Variants in UBAC2 observed in about 807,000 individuals in gnomAD.
The protein encoded by UBAC2 is UBA domain containing 2, also known as ubiquitin-associated domain-containing protein 2.
UBAC2 carries 26 observed loss-of-function variants against 44.0 expected under a neutral mutation model. The ratio of observed to expected loss-of-function variants is 0.59; its 90% CI spans 0.43 to 0.82. The LOEUF (loss-of-function observed/expected upper bound fraction) is 0.82. UBAC2 is among the 40% of genes least tolerant of loss of function. The pLI is 0.00. For missense variants in UBAC2, 329 were observed against 419.4 expected, an observed-to-expected ratio of 0.78 and a Z score of 1.88; for synonymous variants, 155 against 154.3, an observed-to-expected ratio of 1.00 and a Z score of -0.04.
At chr13:99,232,050 C>T (rs1019821521) in intron 1 of UBAC2, among the ~76,000 whole-genome samples, 1 of 151,966 alleles carries the variant, frequency 6.6e-6, no homozygotes, top group African/African-American at 2.4e-5. Context: ...ATTTTTGTAC[C>T]ATGTCTACAT....
intron 2 of UBAC2, among the ~76,000 whole-genome samples, chr13:99,239,207 A>G (rs1163022093): frequency 6.6e-6 from 1 of 152,254 alleles, no homozygotes; most frequent in Non-Finnish European, 1.5e-5. Flanking sequence ...TTTTCTTCAT[A>G]GTGATATAAT....
intron 8 of UBAC2, among the ~76,000 whole-genome samples, chr13:99,368,947 G>A (rs1270926022): frequency 6.6e-6 from 1 of 152,194 alleles, no homozygotes; most frequent in African/African-American, 2.4e-5. Flanking sequence ...AGTCACTGCT[G>A]GGGCCTGTCA....
At chr13:99,331,262 A>G (rs1310503349) in intron 6 of UBAC2, among the ~76,000 whole-genome samples, 1 of 152,126 alleles carries the variant, frequency 6.6e-6, no homozygotes, top group African/African-American at 2.4e-5. Context: ...CTTTGACTAC[A>G]GTTAAGATGT....
chr13:99,275,657 G>T (rs2043871915), intron 4 of UBAC2, among the ~76,000 whole-genome samples: 1 of 151,878 alleles, frequency 6.6e-6, no homozygotes, highest in Non-Finnish European at 1.5e-5. Context: ...CACCCCCCAG[G>T]TTTTATTTCT....
At chr13:99,215,425 G>A (rs1203553030) in intron 1 of UBAC2, 1 of 1,335,372 alleles carries the variant, frequency 7.5e-7, no homozygotes, top group Non-Finnish European at 1.1e-6. Context: ...TGGATGTGTG[G>A]AATGACACCA....
In UBAC2 at chr13:99,340,487, A is replaced by T. The variant is rs1459727444; in HGVS notation, c.729A>T (p.Arg243Ser). 1 of 1,614,206 alleles carries T rather than the reference A, an allele frequency of 6.2e-7. No individual in the cohort carries two copies. The highest frequency in any genetic ancestry group is 8.5e-7 in the Non-Finnish European group (1 of 1,180,026). Residue 243 changes from arginine to serine, a missense_variant, in exon 7 of 9, where the codon AGA becomes AGT. By Grantham distance (110) the Arg-to-Ser change is moderately radical. Transcript: ENST00000403766. ...IGMGATLDIQ[R>S]QQRMELLDRQ... is the part of the protein sequence containing the mutation. ...TGGGAGCCACGCTGGACATCCAGAG[A>T]CAGCAGAGAATGGAGCTGCTGGACC...
In UBAC2 at chr13:99,312,934, T is replaced by C. The variant is rs140035378; in HGVS notation, c.390-1163T>C. The C allele has an allele frequency of 7.3e-3, 1,124 of 153,088 alleles. 10 individuals are homozygous for C. Among genetic ancestry groups the C allele is most frequent in the South Asian group, 0.055 (267 of 4,836 alleles). The allele number at this position is 153,088 out of a possible 1,614,324, so 9.5% of individuals were successfully genotyped here. A position where few individuals can be genotyped will look rare whatever the true frequency, so the allele number is the denominator to read the frequency against. ...TTTTATCTTTGGATACTGGAGCCTA[T>C]GGAAGGAAGGGTTTTTTTGTTTTGT... is the stretch of plus-strand genomic sequence containing the variant. On this transcript the variant is annotated intron_variant, in intron 4 of 8. Transcript: ENST00000403766.
At chr13:99,330,451 G>A (rs563124331) in intron 6 of UBAC2, among the ~76,000 whole-genome samples, 24 of 2,062 alleles carry the variant, frequency 0.012, no homozygotes, top group Admixed American at 0.018. Context: ...AGAGTGAGAC[G>A]TCATCTCAAA....
At chr13:99,203,404 G>C (rs1328590697) in intron 1 of UBAC2, among the ~76,000 whole-genome samples, 1 of 152,338 alleles carries the variant, frequency 6.6e-6, no homozygotes, top group African/African-American at 2.4e-5. Context: ...TCTGAAAGAA[G>C]GACGACACGT....
intron 4 of UBAC2, chr13:99,254,619 AACACACATG>A: frequency 3.2e-6 from 1 of 316,618 alleles, no homozygotes; most frequent in Admixed American, 4.6e-5. Context: ...TGACTTGATT[AACACACATG>A]TGTCGCTTGC....
intron 1 of UBAC2, among the ~76,000 whole-genome samples, chr13:99,204,591 G>C (rs940512417): frequency 6.6e-6 from 1 of 152,126 alleles, no homozygotes; most frequent in Non-Finnish European, 1.5e-5. Context: ...AGGAAGTAGG[G>C]GGACACCCGG....
At chr13:99,230,448 A>C (rs1452750886) in intron 1 of UBAC2, among the ~76,000 whole-genome samples, 1 of 152,012 alleles carries the variant, frequency 6.6e-6, no homozygotes, top group African/African-American at 2.4e-5. Flanking sequence ...CAGCCTGGGC[A>C]ACAGAGCAAG....
At chr13:99,303,710 A>G (rs118169878) in intron 4 of UBAC2, among the ~76,000 whole-genome samples, 3,399 of 152,256 alleles carry the variant, frequency 0.022, 68 homozygotes, top group Non-Finnish European at 0.033. Context: ...TGGAAATAAT[A>G]TGTACCTTTT....
In UBAC2 at chr13:99,267,614, C is replaced by T. The variant is rs569217591; in HGVS notation, c.389+22990C>T. ...TTCCAGAGTCTGCTCACTTCAGAGC[C>T]TTCCACTTGCTACTGCTGCTTTCTT... On this transcript the variant is annotated intron_variant, in intron 4 of 8. Coordinates refer to ENST00000403766, the MANE Select transcript of UBAC2 (RefSeq NM_001144072.2). 2.4e-3 allele frequency among the ~76,000 whole-genome samples: 363 copies of T among 152,312 alleles called. 4 individuals carry two copies. Among genetic ancestry groups the T allele is most frequent in the South Asian group, 0.011 (52 of 4,818 alleles).
chr13:99,361,392 T>C (rs2045262956), intron 7 of UBAC2, among the ~76,000 whole-genome samples: 1 of 152,186 alleles, frequency 6.6e-6, no homozygotes, highest in African/African-American at 2.4e-5. Context: ...GAGCCGTAAC[T>C]TTCTGCTTTT....
chr13:99,362,044 G>C (rs2045272357), intron 7 of UBAC2, among the ~76,000 whole-genome samples: 1 of 151,878 alleles, frequency 6.6e-6, no homozygotes, highest in Non-Finnish European at 1.5e-5. Context: ...CTCGTGTTCT[G>C]AGTATTTTTT....
intron 1 of UBAC2, chr13:99,201,603 G>C (rs1362790269): frequency 6.2e-7 from 1 of 1,610,552 alleles, no homozygotes; most frequent in African/African-American, 1.3e-5. Context: ...CAGTTAAACG[G>C]CTTTTCTCAC....
chr13:99,312,559 T>C (rs1353318585), intron 4 of UBAC2, among the ~76,000 whole-genome samples: 1 of 152,194 alleles, frequency 6.6e-6, no homozygotes, highest in Non-Finnish European at 1.5e-5. Flanking sequence ...CATCTTACCG[T>C]GACATCCTTG....
chr13:99,241,467 T>C (rs1044482597), intron 2 of UBAC2, among the ~76,000 whole-genome samples: 6 of 152,152 alleles, frequency 3.9e-5, no homozygotes, highest in African/African-American at 1.4e-4. Context: ...CTTGAAAATA[T>C]TATGCAAAGT....
Sources: gnomAD v4.1 joint callset for allele counts (sites outside exome capture counted in the v4.1 genomes callset) on GRCh38, gnomAD v4.1.1 for gene constraint, MANE v1.5 for transcripts, NCBI Gene and HGNC (gene_info 2026-07-23, HGNC 2026-07-21) for gene names.